CAPN2: variants seen among roughly 807,000 people sequenced by gnomAD.
The protein encoded by CAPN2 is calpain 2.
In CAPN2, 92 loss-of-function variants were observed where a neutral mutation model predicts 102.3. That is an observed-to-expected ratio of 0.90 (90% CI 0.76 to 1.07). The LOEUF is 1.07. CAPN2 is among the 50% of genes least tolerant of loss of function. CAPN2 has a pLI of 0.00. For missense variants in CAPN2, 800 were observed against 909.4 expected, an observed-to-expected ratio of 0.88 and a Z score of 1.55; for synonymous variants, 340 against 355.4, an observed-to-expected ratio of 0.96 and a Z score of 0.49.
intron 3 of CAPN2, 145 bp downstream of exon 3, chr1:223,744,363 G>A: frequency 1.6e-6 from 1 of 635,674 alleles, no homozygotes; most frequent in East Asian, 2.6e-5. Flanking sequence ...GGCGAGAGCA[G>A]GAAGCTTCCT....
intron 12 of CAPN2, 78 bp from the exon 13 acceptor site, chr1:223,761,503 C>T (rs1661183684): frequency 8.1e-7 from 1 of 1,237,262 alleles, no homozygotes; most frequent in Non-Finnish European, 1.2e-6. Flanking sequence ...TAGCACTGCA[C>T]TTCCATTTTA....
In CAPN2 at chr1:223,770,226, G is replaced by A. The variant is rs550851485; in HGVS notation, c.1825-221G>A. ...ATATAAGACAAGAACATGGACCTATGGGCGTTGGCTGGCTGATTTGATGGG... is the reference window on the plus strand; with the variant it reads ...ATATAAGACAAGAACATGGACCTATAGGCGTTGGCTGGCTGATTTGATGGG... On this transcript the variant is annotated intron_variant, in intron 17 of 20. Transcript: ENST00000295006. 2.9e-5 allele frequency: 17 copies of A among 591,634 alleles called. No homozygotes were observed. The Admixed American group carries it at 3.7e-4, about 13-fold the overall frequency. 36.6% of individuals were successfully genotyped at this position (591,634 alleles called of 1,614,324 possible).
At chr1:223,748,494 A>T (rs912397991) in intron 5 of CAPN2, among the ~76,000 whole-genome samples, 4 of 152,366 alleles carry the variant, frequency 2.6e-5, no homozygotes, top group Admixed American at 2.0e-4. Context: ...AAACAGAAGC[A>T]AATTCTGACT....
intron 1 of CAPN2, among the ~76,000 whole-genome samples, chr1:223,704,922 T>C (rs1659569395): frequency 6.6e-6 from 1 of 152,162 alleles, no homozygotes; most frequent in African/African-American, 2.4e-5. Flanking sequence ...CTGTCATATG[T>C]CACAGCAGGA....
At chr1:223,704,536 A>G (rs994744322) in intron 1 of CAPN2, among the ~76,000 whole-genome samples, 4 of 152,222 alleles carry the variant, frequency 2.6e-5, no homozygotes, top group African/African-American at 9.6e-5. Context: ...ATTGAGGTCT[A>G]GGAAGACCAA....
In CAPN2 at chr1:223,756,605, G is replaced by A. The variant is rs1029638115; in HGVS notation, c.1306-764G>A. On this transcript the variant is annotated intron_variant, in intron 10 of 20. Transcript: ENST00000295006. This position sits in a 1 kb window ranked among gnomAD's most constrained non-coding sequence, Gnocchi z 4.1. Reference sequence around the variant, plus strand: ...ACCCCTGGGAGAATCCAGACGAGGTGTCAGGAGAGGAGGCTCTGTGCTCAC... The same window carrying A: ...ACCCCTGGGAGAATCCAGACGAGGTATCAGGAGAGGAGGCTCTGTGCTCAC... Among the ~76,000 whole-genome samples the A allele has an allele frequency of 3.3e-5, 5 of 152,204 alleles. No homozygotes were observed. The highest frequency in any genetic ancestry group is 5.9e-5 in the Non-Finnish European group (4 of 68,032).
intron 11 of CAPN2, chr1:223,758,860 T>G: frequency 3.9e-6 from 1 of 255,782 alleles, no homozygotes; most frequent in Non-Finnish European, 7.7e-6. Flanking sequence ...CCCTGGCTAA[T>G]ATTTTTATTT....
At chr1:223,747,269 C>A in intron 5 of CAPN2, 104 bp downstream of exon 5, 1 of 1,145,104 alleles carries the variant, frequency 8.7e-7, no homozygotes, top group Non-Finnish European at 1.2e-6. Context: ...CAACGTAATG[C>A]AGCCCTCGTC....
At chr1:223,746,921 C>G (rs1427217526) in intron 4 of CAPN2, 76 bp from the exon 5 acceptor site, 1 of 1,359,014 alleles carries the variant, frequency 7.4e-7, no homozygotes, top group Non-Finnish European at 1.0e-6. Context: ...CTAGACGGTA[C>G]TAGGGGGTGG....
In CAPN2 at chr1:223,755,406, T is replaced by G; in HGVS notation, c.1136-74T>G. 3 of 1,517,282 alleles carry G rather than the reference T, an allele frequency of 2.0e-6. No homozygotes were observed. The highest frequency in any genetic ancestry group is 1.2e-5 in the South Asian group (1 of 85,140). 94.0% of individuals were successfully genotyped at this position (1,517,282 alleles called of 1,614,324 possible). A position where few individuals can be genotyped will look rare whatever the true frequency, so the allele number is the denominator to read the frequency against. ...CATCCCTCTCAGAAGCCTCCAAGCC[T>G]GAGACCAGGGCCACCCCCCACCCCC... On this transcript the variant is annotated intron_variant, in intron 9 of 20. Coordinates refer to ENST00000295006, the MANE Select transcript of CAPN2 (RefSeq NM_001748.5). This position sits in a 1 kb window ranked among gnomAD's most constrained non-coding sequence, Gnocchi z 4.1.
chr1:223,771,917 C>CG lies in CAPN2; in HGVS notation c.2013dup (p.Leu672AlafsTer6), dbSNP rs752732333. ...GTTCGGTGTTTGGTTCGGCTGGAAA[C>CG]GCTATTCAGTAAGTGGATATTTGGG... On this transcript the variant is annotated frameshift_variant, in exon 19 of 21. Transcript: ENST00000295006. LOFTEE classifies it high-confidence loss of function. 7 of 1,607,368 alleles carry CG rather than the reference C, an allele frequency of 4.4e-6. No individual in the cohort carries two copies. Among genetic ancestry groups the CG allele is most frequent in the Non-Finnish European group, 6.0e-6 (7 of 1,173,892 alleles).
At chr1:223,706,843 G>A (rs1659616308) in intron 1 of CAPN2, among the ~76,000 whole-genome samples, 1 of 152,142 alleles carries the variant, frequency 6.6e-6, no homozygotes, top group Non-Finnish European at 1.5e-5. Flanking sequence ...GCTTTGGGAG[G>A]CCGAGATGGG....
chr1:223,770,504 C>T lies in CAPN2; in HGVS notation c.1882C>T (p.Arg628Trp), dbSNP rs768014183. The change falls in exon 18 of 21, where the codon CGG becomes TGG. Residue 628 changes from arginine (R) to tryptophan (W), a missense_variant. Physicochemically the swap from Arg to Trp is moderately radical, Grantham distance 101. Coordinates refer to ENST00000295006, the MANE Select transcript of CAPN2 (RefSeq NM_001748.5). The stretch of plus-strand genomic sequence containing the variant: ...TGGTACCATGAATTCCTATGAAATG[C>T]GGAAGGCATTAGAAGAAGCAGGTAA... The part of the protein sequence containing the change: ...RSGTMNSYEM[R>W]KALEEAGFKM... 17 of 1,612,840 alleles carry T rather than the reference C, an allele frequency of 1.1e-5. No individual in the cohort carries two copies. The highest frequency in any genetic ancestry group is 4.5e-5 in the East Asian group (2 of 44,870).
upstream of CAPN2, chr1:223,712,351 C>CT: frequency 1.4e-6 from 1 of 739,942 alleles, no homozygotes; most frequent in Non-Finnish European, 1.7e-6. Flanking sequence ...CGCCGGGCCG[C>CT]GCCATCCCGG....
At chr1:223,738,312 C>CCA (rs574984875) in intron 2 of CAPN2, among the ~76,000 whole-genome samples, 152 of 152,136 alleles carry the variant, frequency 1.0e-3, no homozygotes, top group Middle Eastern at 3.4e-3. Flanking sequence ...AAGCATGACA[C>CCA]CACACCTGGC....
chr1:223,762,642 C>G (rs1313577601), intron 14 of CAPN2, among the ~76,000 whole-genome samples: 1 of 152,162 alleles, frequency 6.6e-6, no homozygotes, highest in African/African-American at 2.4e-5. Flanking sequence ...CCACCTGCAA[C>G]AGAGTGTTTG....
At chr1:223,751,898 C>T in intron 7 of CAPN2, 99 bp from the exon 8 acceptor site, 1 of 747,196 alleles carries the variant, frequency 1.3e-6, no homozygotes, top group Admixed American at 2.4e-5. Context: ...GGAGCCTGAG[C>T]CCTCAGAGGT....
chr1:223,763,903 G>A (rs1294003298), intron 14 of CAPN2, among the ~76,000 whole-genome samples: 2 of 152,278 alleles, frequency 1.3e-5, no homozygotes, highest in East Asian at 3.9e-4. Context: ...TCATTCCACT[G>A]CAGTCCAGCC....
At chr1:223,720,135 C>G (rs1660011880) in intron 2 of CAPN2, among the ~76,000 whole-genome samples, 1 of 152,144 alleles carries the variant, frequency 6.6e-6, no homozygotes, top group South Asian at 2.1e-4. Flanking sequence ...CCATCTGGAA[C>G]CTCCGTCTCT....
Sources: gnomAD v4.1 joint callset for allele counts (sites outside exome capture counted in the v4.1 genomes callset) on GRCh38, gnomAD v4.1.1 for gene constraint, Gnocchi (gnomAD v3.1) non-coding constraint, MANE v1.5 for transcripts, NCBI Gene and HGNC (gene_info 2026-07-23, HGNC 2026-07-21) for gene names.